PTPRT: variants seen among roughly 807,000 people sequenced by gnomAD.
PTPRT encodes the protein protein tyrosine phosphatase receptor type T.
A neutral mutation model predicts 176.8 loss-of-function variants in PTPRT; 56 were observed. The ratio of observed to expected loss-of-function variants is 0.32; its 90% CI spans 0.26 to 0.40. The LOEUF is 0.40. Ranked by LOEUF, PTPRT falls within the 10% of genes least tolerant of loss-of-function variation. The pLI is 1.00. For missense variants in PTPRT, 1,540 were observed against 1,908.2 expected, an observed-to-expected ratio of 0.81 and a Z score of 3.60; for synonymous variants, 783 against 739.0, an observed-to-expected ratio of 1.06 and a Z score of -0.96.
chr20:42,648,820 G>GTTGTTTTT (rs1310734163), intron 7 of PTPRT, among the ~76,000 whole-genome samples: 1 of 111,834 alleles, frequency 8.9e-6, no homozygotes, highest in African/African-American at 3.7e-5. Context: ...TGGTGTCGTT[G>GTTGTTTTT]TTTTTTTTTT....
At chr20:43,117,267 G>A (rs1244397775) in intron 1 of PTPRT, among the ~76,000 whole-genome samples, 1 of 152,188 alleles carries the variant, frequency 6.6e-6, no homozygotes, top group Non-Finnish European at 1.5e-5. Flanking sequence ...AAAGGGAGGG[G>A]TGAAGAATTG....
chr20:42,401,069 GT>G (rs2058901646), intron 9 of PTPRT, among the ~76,000 whole-genome samples: 2 of 151,842 alleles, frequency 1.3e-5, no homozygotes, highest in Admixed American at 6.6e-5. Flanking sequence ...AGCAGGGACA[GT>G]TTTGATAAGC....
chr20:42,501,706 T>G (rs985603787), intron 7 of PTPRT, among the ~76,000 whole-genome samples: 1 of 152,210 alleles, frequency 6.6e-6, no homozygotes, highest in Non-Finnish European at 1.5e-5. Context: ...GGTTTTTACA[T>G]AGAAAGTTTG....
intron 16 of PTPRT, among the ~76,000 whole-genome samples, chr20:42,191,100 T>A (rs1990984093): frequency 6.6e-6 from 1 of 152,024 alleles, no homozygotes. Flanking sequence ...ATCATAAATA[T>A]TAACAATGTA....
Position 43,143,198 on chromosome 20 carries a change from C to T in PTPRT, c.88+46448G>A, listed in dbSNP as rs961531906. ...TTCACCCTGGGTTACTCCCAACAAT[C>T]CCCCTACCTGATCTTCCTGAAACTC... On this transcript the variant is annotated intron_variant, in intron 1 of 30. Transcript: ENST00000373187. Among the ~76,000 whole-genome samples the T allele has an allele frequency of 2.0e-5, 3 of 152,150 alleles. No homozygotes were observed. The South Asian group carries it at 6.2e-4, about 32-fold the overall frequency.
intron 9 of PTPRT, among the ~76,000 whole-genome samples, chr20:42,374,563 T>C (rs1010647300): frequency 1.3e-5 from 2 of 151,946 alleles, no homozygotes; most frequent in Admixed American, 6.6e-5. Context: ...TTTTCAAATA[T>C]GAAAAAGCTC....
At chr20:42,744,469 G>A (rs2076661347) in intron 6 of PTPRT, among the ~76,000 whole-genome samples, 1 of 152,170 alleles carries the variant, frequency 6.6e-6, no homozygotes, top group South Asian at 2.1e-4. Flanking sequence ...AATATCAGTG[G>A]GAAAGGAAGA....
chr20:42,877,922 C>T (rs1162588484), intron 2 of PTPRT, among the ~76,000 whole-genome samples: 1 of 152,168 alleles, frequency 6.6e-6, no homozygotes, highest in East Asian at 1.9e-4. Context: ...CAGTGCCTGG[C>T]TTGTGTTTAG....
At chr20:42,227,718 C>T (rs2146820266) in intron 15 of PTPRT, among the ~76,000 whole-genome samples, 1 of 148,804 alleles carries the variant, frequency 6.7e-6, no homozygotes, top group Non-Finnish European at 1.5e-5. Context: ...AGCGATTCTC[C>T]TGCCTCAGCC....
intron 1 of PTPRT, among the ~76,000 whole-genome samples, chr20:42,977,748 T>C (rs1983031856): frequency 6.6e-6 from 1 of 152,252 alleles, no homozygotes; most frequent in Non-Finnish European, 1.5e-5. Flanking sequence ...TTATATCAAA[T>C]GAAAGCCACA....
chr20:42,575,691 T>G (rs1420899992), intron 7 of PTPRT, among the ~76,000 whole-genome samples: 1 of 152,152 alleles, frequency 6.6e-6, no homozygotes, highest in East Asian at 1.9e-4. Flanking sequence ...CTTACAACAC[T>G]AGGCAGTGGG....
chr20:42,896,635 C>CAAAAAAAA (rs58679220), intron 1 of PTPRT, among the ~76,000 whole-genome samples: 1 of 72,342 alleles, frequency 1.4e-5, no homozygotes, highest in Non-Finnish European at 3.1e-5. Context: ...AACTCCGTCT[C>CAAAAAAAA]AAAAAAAAAA....
At chr20:42,099,550 G>GGGT (rs1555863941) in intron 26 of PTPRT, among the ~76,000 whole-genome samples, 8 of 71,318 alleles carry the variant, frequency 1.1e-4, no homozygotes, top group Admixed American at 9.8e-4. Flanking sequence ...CCTGGGCGGG[G>GGGT]GGGGGGGGGG....
At chr20:42,670,746 G>A (rs557886891) in intron 7 of PTPRT, among the ~76,000 whole-genome samples, 19 of 152,272 alleles carry the variant, frequency 1.2e-4, no homozygotes, top group African/African-American at 4.3e-4. Flanking sequence ...CACGCAAGGG[G>A]GACGGGCTAA....
At chr20:42,277,760 T>A (rs1182792718) in intron 13 of PTPRT, among the ~76,000 whole-genome samples, 1 of 151,942 alleles carries the variant, frequency 6.6e-6, no homozygotes, top group Non-Finnish European at 1.5e-5. Flanking sequence ...GGACTGCAGA[T>A]CCCATAGTGG....
At position 42,231,529 on chromosome 20, in the gene PTPRT, T is replaced by C. The variant is rs542650111; in HGVS notation, c.2342+4700A>G. Among the ~76,000 whole-genome samples the C allele has an allele frequency of 3.0e-3, 463 of 152,318 alleles. 4 individuals are homozygous for C. Among genetic ancestry groups the C allele is most frequent in the Non-Finnish European group, 4.0e-3 (275 of 68,030 alleles). ...ACTTCTGCCCTTTTGTAGTCTGGTA[T>C]AGGGTGCGCCTTATTCACTTTTGTG... On this transcript the variant is annotated intron_variant, in intron 15 of 30. Coordinates refer to ENST00000373187, the MANE Select transcript of PTPRT (RefSeq NM_007050.6).
intron 1 of PTPRT, among the ~76,000 whole-genome samples, chr20:42,963,589 T>C (rs1348694790): frequency 1.3e-5 from 2 of 149,224 alleles, no homozygotes; most frequent in Non-Finnish European, 2.9e-5. Context: ...ATGCTATAAA[T>C]AGTTCTTTGT....
At chr20:42,379,478 T>G (rs1416932373) in intron 9 of PTPRT, among the ~76,000 whole-genome samples, 1 of 152,174 alleles carries the variant, frequency 6.6e-6, no homozygotes, top group African/African-American at 2.4e-5. Context: ...ACAACCAGAC[T>G]CAAATTTGAG....
At position 42,421,022 on chromosome 20, in the gene PTPRT, C is replaced by A. The variant is rs78676986; in HGVS notation, c.1560+27198G>T. Among the ~76,000 whole-genome samples the A allele has an allele frequency of 1.2e-3, 181 of 152,238 alleles. 1 individual carries two copies. In the East Asian group the frequency reaches 0.029, roughly 25 times the overall value. ...CTTGCCCTAAGTCATGCATAGCTCA[C>A]CCAGAGGTGAATCATATTAGCCCAG... On this transcript the variant is annotated intron_variant, in intron 9 of 30. Transcript: ENST00000373187.
Sources: gnomAD v4.1 joint callset for allele counts (sites outside exome capture counted in the v4.1 genomes callset) on GRCh38, gnomAD v4.1.1 for gene constraint, MANE v1.5 for transcripts, NCBI Gene and HGNC (gene_info 2026-07-23, HGNC 2026-07-21) for gene names.